The following ANO4 variants were observed in gnomAD, a reference collection of about 807,000 sequenced individuals.
ANO4 encodes anoctamin 4, also known as anoctamin-4.
ANO4 carries 69 observed loss-of-function variants against 141.9 expected under a neutral mutation model. The observed-to-expected ratio is 0.49, with a 90% CI of 0.40 to 0.59. ANO4 has a LOEUF of 0.59. Among genes scored for constraint, ANO4 ranks in the 20% least tolerant of loss-of-function variants. The pLI is 0.00. For missense variants in ANO4, 894 were observed against 1,162.2 expected (o/e 0.77, Z 3.36); for synonymous variants, 350 against 394.3 (o/e 0.89, Z 1.33).
At chr12:101,059,001 T>A (rs1013885062) in intron 14 of ANO4, among the ~76,000 whole-genome samples, 6 of 152,198 alleles carry the variant, frequency 3.9e-5, no homozygotes, top group African/African-American at 1.2e-4. Flanking sequence ...TGTGGGTTTG[T>A]CATAAATAGC....
intron 1 of ANO4, among the ~76,000 whole-genome samples, chr12:100,806,803 A>G (rs113737477): frequency 0.015 from 2,206 of 151,634 alleles, 58 homozygotes; most frequent in African/African-American, 0.051. Context: ...TGGCCTCCCA[A>G]AGTGCTGGGA....
At chr12:101,056,048 CTTGA>C (rs752490304) in intron 14 of ANO4, among the ~76,000 whole-genome samples, 17 of 152,054 alleles carry the variant, frequency 1.1e-4, no homozygotes, top group Non-Finnish European at 1.5e-4. Context: ...AATCCACTGT[CTTGA>C]TTATTATGGC....
intron 24 of ANO4, 66 bp downstream of exon 24, chr12:101,111,776 A>C (rs2050675271): frequency 6.9e-7 from 1 of 1,442,404 alleles, no homozygotes; most frequent in Non-Finnish European, 9.3e-7. Context: ...TTGGACACTC[A>C]GACAGAAGAC....
At chr12:100,790,146 T>G (rs2033997460), upstream of ANO4, among the ~76,000 whole-genome samples, 1 of 152,126 alleles carries the variant, frequency 6.6e-6, no homozygotes, top group African/African-American at 2.4e-5. Context: ...ATACACTCTC[T>G]GTGGGGAATA....
intron 7 of ANO4, among the ~76,000 whole-genome samples, chr12:100,980,434 A>G (rs1048060935): frequency 6.6e-6 from 1 of 152,184 alleles, no homozygotes; most frequent in Non-Finnish European, 1.5e-5. Flanking sequence ...GCCAGCTCTG[A>G]TATTCTAAAT....
intron 2 of ANO4, among the ~76,000 whole-genome samples, chr12:100,904,256 C>T (rs2040734822): frequency 6.6e-6 from 1 of 152,104 alleles, no homozygotes; most frequent in East Asian, 1.9e-4. Flanking sequence ...ACAAAAGTCC[C>T]TGCCCTTGGG....
At chr12:101,069,186 A>T (rs2048711955) in intron 14 of ANO4, 1 of 1,272,366 alleles carries the variant, frequency 7.9e-7, no homozygotes. Flanking sequence ...CATGCGAGGA[A>T]CAGTGTCTCC....
At chr12:100,964,754 C>T (rs894472157) in intron 5 of ANO4, among the ~76,000 whole-genome samples, 4 of 152,142 alleles carry the variant, frequency 2.6e-5, no homozygotes, top group Non-Finnish European at 5.9e-5. Context: ...GAACAGCCTC[C>T]CTGAGTAATT....
chr12:101,063,863 G>A (rs1216564237), intron 14 of ANO4, among the ~76,000 whole-genome samples: 1 of 141,336 alleles, frequency 7.1e-6, no homozygotes, highest in Non-Finnish European at 1.5e-5. Flanking sequence ...CCTATAGGAT[G>A]TGTTATGATA....
chr12:100,999,792 C>T (rs1221536596), intron 8 of ANO4, among the ~76,000 whole-genome samples: 1 of 151,828 alleles, frequency 6.6e-6, no homozygotes, highest in Non-Finnish European at 1.5e-5. Flanking sequence ...CACCTGTAAC[C>T]CCAGCAATTT....
intron 1 of ANO4, among the ~76,000 whole-genome samples, chr12:100,828,437 C>T (rs531285982): frequency 2.0e-4 from 31 of 152,056 alleles, no homozygotes; most frequent in African/African-American, 6.5e-4. Flanking sequence ...TGCTAAAAAG[C>T]GTAAAAGTCT....
intron 9 of ANO4, among the ~76,000 whole-genome samples, chr12:101,036,165 A>C (rs1431313295): frequency 6.6e-6 from 1 of 152,174 alleles, no homozygotes; most frequent in Non-Finnish European, 1.5e-5. Context: ...GTATCATCTC[A>C]CACCCGTTAG....
intron 3 of ANO4, among the ~76,000 whole-genome samples, chr12:100,931,630 C>G (rs1278748431): frequency 6.6e-6 from 1 of 152,178 alleles, no homozygotes; most frequent in Non-Finnish European, 1.5e-5. Flanking sequence ...CATTAACACA[C>G]AGCAGGCTGT....
At chr12:100,991,286 G>A (rs992223933) in intron 8 of ANO4, among the ~76,000 whole-genome samples, 1 of 152,130 alleles carries the variant, frequency 6.6e-6, no homozygotes, top group African/African-American at 2.4e-5. Flanking sequence ...CCCTAAGGAT[G>A]TTTTGAGAGT....
chr12:101,048,039 T>A, intron 13 of ANO4: 1 of 1,147,090 alleles, frequency 8.7e-7, no homozygotes, highest in Non-Finnish European at 1.1e-6. Flanking sequence ...CATATGTACG[T>A]GTATAAGAGT....
intron 8 of ANO4, among the ~76,000 whole-genome samples, chr12:101,015,812 G>T (rs1315111339): frequency 1.3e-5 from 2 of 152,136 alleles, no homozygotes; most frequent in African/African-American, 2.4e-5. Context: ...CCTCATGTTT[G>T]CCAGAGTTGC....
Position 100,869,797 on chromosome 12 carries a change from C to A in ANO4, c.-140-31849C>A, listed in dbSNP as rs142138513. Among the ~76,000 whole-genome samples the A allele has an allele frequency of 2.2e-3, 339 of 152,254 alleles. 4 individuals are homozygous for A. The highest frequency in any genetic ancestry group is 7.3e-3 in the African/African-American group (302 of 41,544). ...CACCTTCTAAGGCTGTGAGAAGAAG[C>A]CAAGAGACTCAACAGTCTTTATAGT... On this transcript the variant is annotated intron_variant, in intron 1 of 27. Coordinates refer to ENST00000392977, the MANE Select transcript of ANO4 (RefSeq NM_001286615.2).
chr12:100,956,471 A>G (rs1273245457), intron 5 of ANO4, among the ~76,000 whole-genome samples: 1 of 152,234 alleles, frequency 6.6e-6, no homozygotes, highest in Non-Finnish European at 1.5e-5. Context: ...CAGGCAGGAA[A>G]GAAAAGTACA....
chr12:100,974,653 A>G (rs371018419), intron 6 of ANO4, 192 bp from the exon 7 acceptor site: 1 of 671,636 alleles, frequency 1.5e-6, no homozygotes, highest in African/African-American at 1.8e-5. Flanking sequence ...AAACTGTTTC[A>G]TAAGATTTCA....
Sources: allele counts gnomAD v4.1 joint callset (sites outside exome capture counted in the v4.1 genomes callset), GRCh38; gene constraint gnomAD v4.1.1; transcripts MANE v1.5; gene names NCBI Gene and HGNC (gene_info 2026-07-23, HGNC 2026-07-21).